NPLOC4: variants seen among roughly 807,000 people sequenced by gnomAD.
The protein encoded by NPLOC4 is NPL4 homolog, ubiquitin recognition factor, also known as nuclear protein localization protein 4 homolog.
NPLOC4 carries 18 observed loss-of-function variants against 80.6 expected under a neutral mutation model. The observed-to-expected ratio is 0.22, with a 90% CI of 0.15 to 0.33. NPLOC4 has a LOEUF of 0.33. Ranked by LOEUF, NPLOC4 falls within the 10% of genes least tolerant of loss-of-function variation. The pLI, the probability that NPLOC4 is intolerant of heterozygous loss-of-function variation, is 1.00. For synonymous variants in NPLOC4, 313 were observed against 301.5 expected (o/e 1.04, Z -0.39); for missense variants, 540 against 786.1 (o/e 0.69, Z 3.74).
chr17:81,589,952 G>C (rs951631149), intron 11 of NPLOC4, among the ~76,000 whole-genome samples: 5 of 152,164 alleles, frequency 3.3e-5, no homozygotes, highest in African/African-American at 1.2e-4. Flanking sequence ...ATAACACCAG[G>C]GGTGTAAACG....
At chr17:81,569,367 G>A (rs939123156) in intron 13 of NPLOC4, among the ~76,000 whole-genome samples, 2 of 152,184 alleles carry the variant, frequency 1.3e-5, no homozygotes, top group African/African-American at 2.4e-5. Flanking sequence ...CCTCGACGTC[G>A]GACAAAAAGG....
chr17:81,622,139 C>T, intron 3 of NPLOC4, 27 bp downstream of exon 3: 2 of 1,545,200 alleles, frequency 1.3e-6, no homozygotes, highest in Non-Finnish European at 1.8e-6. Context: ...CCCCCCATTC[C>T]CTGCTTCCTC....
Position 81,559,181 on chromosome 17 carries a change from G to C in NPLOC4, c.*78C>G. On this transcript the variant is annotated 3_prime_UTR_variant, in exon 17 of 17. Transcript: ENST00000331134. ...GGCTGCCCACTATGGGGCAGTTACA[G>C]GGAACACACTCAGCAACGCTTCTGG... The C allele has an allele frequency of 6.8e-7, 1 of 1,463,004 alleles. No individual in the cohort carries two copies. Among genetic ancestry groups the C allele is most frequent in the East Asian group, 2.5e-5 (1 of 40,214 alleles). 90.6% of individuals were successfully genotyped at this position (1,463,004 alleles called of 1,614,324 possible). A position where few individuals can be genotyped will look rare whatever the true frequency, so the allele number is the denominator to read the frequency against.
At chr17:81,621,308 CA>C (rs1568162702) in intron 3 of NPLOC4, among the ~76,000 whole-genome samples, 2 of 152,172 alleles carry the variant, frequency 1.3e-5, no homozygotes, top group African/African-American at 2.4e-5. Flanking sequence ...ATGAATGCTA[CA>C]ATTGCATGTT....
chr17:81,625,255 A>G (rs958297282), intron 2 of NPLOC4, among the ~76,000 whole-genome samples: 1 of 152,188 alleles, frequency 6.6e-6, no homozygotes, highest in African/African-American at 2.4e-5. Flanking sequence ...ATGAAAGGAA[A>G]GGCTAAAAAA....
intron 3 of NPLOC4, among the ~76,000 whole-genome samples, chr17:81,618,569 G>A (rs573167594): frequency 9.6e-5 from 7 of 72,924 alleles, no homozygotes; most frequent in Non-Finnish European, 1.5e-4. Context: ...CAGCCGCCCC[G>A]TCCGGGAGGG....
chr17:81,612,108 A>C lies in NPLOC4; in HGVS notation c.386+1210T>G, dbSNP rs145272431. Among the ~76,000 whole-genome samples, 129 of 152,256 alleles carry C rather than the reference A, an allele frequency of 8.5e-4. 1 individual carries two copies. In the East Asian group the frequency reaches 0.021, roughly 25 times the overall value. ...TTTTGGGAAATAACAACAATGAAAA[A>C]ACCTTGTCCCACGGCTTTCTAACAT... On this transcript the variant is annotated intron_variant, in intron 4 of 16. Transcript: ENST00000331134.
chr17:81,567,358 G>A lies in NPLOC4; in HGVS notation c.1566+59C>T, dbSNP rs937623080. 13 of 999,868 alleles carry A rather than the reference G, an allele frequency of 1.3e-5. No homozygotes were observed. The highest frequency in any genetic ancestry group is 2.0e-5 in the Non-Finnish European group (13 of 636,568). 61.9% of individuals were successfully genotyped at this position (999,868 alleles called of 1,614,324 possible). A position where few individuals can be genotyped will look rare whatever the true frequency, so the allele number is the denominator to read the frequency against. The stretch of plus-strand genomic sequence containing the variant: ...CTGGGAGGAAAGAAAGCAAGACACA[G>A]GCGTCTCTTTGCAGCCAAAGCCCAC... On this transcript the variant is annotated intron_variant, in intron 15 of 16. Coordinates refer to ENST00000331134, the MANE Select transcript of NPLOC4 (RefSeq NM_017921.4). The surrounding 1 kb of genome is among the most constrained non-coding windows in gnomAD (Gnocchi z 4.5).
At chr17:81,598,885 T>C (rs748589667) in intron 9 of NPLOC4, among the ~76,000 whole-genome samples, 4 of 152,130 alleles carry the variant, frequency 2.6e-5, no homozygotes, top group African/African-American at 4.8e-5. Flanking sequence ...GATGCCCCAA[T>C]GAATGAAAAA....
intron 11 of NPLOC4, among the ~76,000 whole-genome samples, chr17:81,591,261 C>T (rs2034729815): frequency 6.6e-6 from 1 of 151,720 alleles, no homozygotes; most frequent in Non-Finnish European, 1.5e-5. Context: ...ATGGTGAAAC[C>T]CTGTCTCTAC....
chr17:81,594,899 A>G (rs1339617643), intron 11 of NPLOC4, among the ~76,000 whole-genome samples: 1 of 151,938 alleles, frequency 6.6e-6, no homozygotes, highest in African/African-American at 2.4e-5. Context: ...CTATGACTGC[A>G]CCACTGTGCT....
intron 12 of NPLOC4, among the ~76,000 whole-genome samples, chr17:81,585,283 C>T (rs574858652): frequency 7.9e-4 from 119 of 150,846 alleles, no homozygotes; most frequent in Non-Finnish European, 1.3e-3. Context: ...AGATGACCGA[C>T]GACAGAGAAG....
intron 12 of NPLOC4, among the ~76,000 whole-genome samples, chr17:81,573,007 C>T (rs939059319): frequency 2.6e-5 from 4 of 152,108 alleles, no homozygotes; most frequent in African/African-American, 4.8e-5. Flanking sequence ...TGGGGAAAAA[C>T]GGCCAGCATA....
At chr17:81,585,006 C>G (rs894404210) in intron 12 of NPLOC4, among the ~76,000 whole-genome samples, 1 of 151,680 alleles carries the variant, frequency 6.6e-6, no homozygotes, top group African/African-American at 2.4e-5. Context: ...CCTGTCTCTA[C>G]TAAAATACAA....
intron 12 of NPLOC4, among the ~76,000 whole-genome samples, chr17:81,584,450 G>C (rs754262657): frequency 2.0e-5 from 3 of 152,176 alleles, no homozygotes; most frequent in Non-Finnish European, 2.9e-5. Flanking sequence ...AATCTGAAAA[G>C]GGTATTTAAA....
chr17:81,590,293 A>C (rs964131239), intron 11 of NPLOC4, among the ~76,000 whole-genome samples: 2 of 152,210 alleles, frequency 1.3e-5, no homozygotes, highest in African/African-American at 2.4e-5. Flanking sequence ...CGAAGCCTCC[A>C]GAATGACTTC....
At chr17:81,592,685 C>T (rs542398358) in intron 11 of NPLOC4, among the ~76,000 whole-genome samples, 1 of 152,294 alleles carries the variant, frequency 6.6e-6, no homozygotes, top group South Asian at 2.1e-4. Context: ...ATAATTTCTC[C>T]ACAGACACAG....
rs777226558 is a variant in NPLOC4 at position 81,608,783 on chromosome 17, C to T, written c.475G>A (p.Val159Met). ...TAGGCGTGGAAGGACATGTGCTTCACGGGAGGCTCGAGATGGTTTAGATAG... is the reference window on the plus strand; with the variant it reads ...TAGGCGTGGAAGGACATGTGCTTCATGGGAGGCTCGAGATGGTTTAGATAG... ...EDYLNHLEPPVKHMSFHAYIR... is the reference protein window; with the variant it reads ...EDYLNHLEPPMKHMSFHAYIR... The change falls in exon 6 of 17, where the codon GTG (valine) becomes ATG (methionine). Residue 159 changes from valine (V) to methionine (M), a missense_variant. By Grantham distance (21) the Val-to-Met change is conservative. Around this residue, in one of 6 missense-constraint regions of NPLOC4, gnomAD observed 61 missense variants for 156.7 expected, o/e 0.39. Transcript: ENST00000331134. 3.8e-6 allele frequency: 6 copies of T among 1,591,398 alleles called. No individual in the cohort carries two copies. The highest frequency in any genetic ancestry group is 2.3e-5 in the East Asian group (1 of 44,036).
intron 13 of NPLOC4, 108 bp downstream of exon 13, chr17:81,571,909 G>C: frequency 1.5e-6 from 1 of 671,314 alleles, no homozygotes; most frequent in East Asian, 3.1e-5. Context: ...CAAGGCAGAG[G>C]GTGCCTTAAA....
Sources: gnomAD v4.1 joint callset for allele counts (sites outside exome capture counted in the v4.1 genomes callset) on GRCh38, gnomAD v4.1.1 for gene constraint, gnomAD v4.1.1 regional missense constraint, Gnocchi (gnomAD v3.1) non-coding constraint, MANE v1.5 for transcripts, NCBI Gene and HGNC (gene_info 2026-07-23, HGNC 2026-07-21) for gene names.